Variants in NTNG1 observed in about 807,000 individuals in gnomAD.
NTNG1 encodes the protein netrin G1.
Under a neutral mutation model 54.0 loss-of-function variants are expected in NTNG1, and 16 were observed. The ratio of observed to expected loss-of-function variants is 0.30; its 90% CI spans 0.20 to 0.45. The LOEUF is 0.45. Among genes scored for constraint, NTNG1 ranks in the 20% least tolerant of loss-of-function variants. The pLI is 1.00. For missense variants in NTNG1, 530 were observed against 678.7 expected, an observed-to-expected ratio of 0.78 and a Z score of 2.43; for synonymous variants, 255 against 263.1, an observed-to-expected ratio of 0.97 and a Z score of 0.30.
chr1:107,442,076 G>C (rs1305865711), intron 7 of NTNG1, among the ~76,000 whole-genome samples: 4 of 152,056 alleles, frequency 2.6e-5, no homozygotes, highest in Non-Finnish European at 4.4e-5. Flanking sequence ...CTTCCAAAAT[G>C]GGGGAATTCA....
At chr1:107,336,312 G>T (rs1215660181) in intron 3 of NTNG1, among the ~76,000 whole-genome samples, 2 of 151,494 alleles carry the variant, frequency 1.3e-5, no homozygotes, top group African/African-American at 4.8e-5. Context: ...ACCCTCACAT[G>T]TATGGTCAAA....
intron 2 of NTNG1, among the ~76,000 whole-genome samples, chr1:107,297,770 C>T (rs1302169642): frequency 6.6e-6 from 1 of 152,154 alleles, no homozygotes; most frequent in African/African-American, 2.4e-5. Context: ...TTCTGCCACA[C>T]AGCAGAGCCC....
chr1:107,156,214 T>A (rs763044730), intron 2 of NTNG1, among the ~76,000 whole-genome samples: 6 of 152,222 alleles, frequency 3.9e-5, no homozygotes, highest in Non-Finnish European at 8.8e-5. Flanking sequence ...AAGAGACAAC[T>A]AGCAAAATTT....
intron 7 of NTNG1, among the ~76,000 whole-genome samples, chr1:107,477,160 G>C (rs1678384565): frequency 1.3e-5 from 2 of 152,162 alleles, no homozygotes; most frequent in Admixed American, 1.3e-4. Context: ...CTCTAAGGTG[G>C]GGTAATGGCT....
intron 3 of NTNG1, among the ~76,000 whole-genome samples, chr1:107,345,147 A>G (rs375141776): frequency 6.6e-5 from 10 of 152,194 alleles, no homozygotes; most frequent in African/African-American, 2.2e-4. Flanking sequence ...ATCTCTCCAA[A>G]TGTTTTGAGT....
At chr1:107,386,754 T>C (rs907992636) in intron 3 of NTNG1, among the ~76,000 whole-genome samples, 1 of 152,230 alleles carries the variant, frequency 6.6e-6, no homozygotes, top group Non-Finnish European at 1.5e-5. Flanking sequence ...AATACCTAGA[T>C]GTAAAATTTA....
chr1:107,452,017 C>A (rs1000840036), intron 7 of NTNG1, among the ~76,000 whole-genome samples: 1 of 152,138 alleles, frequency 6.6e-6, no homozygotes, highest in African/African-American at 2.4e-5. Context: ...CTGCCACTTA[C>A]TAAGTGTGTC....
At chr1:107,366,582 T>C (rs1030660725) in intron 3 of NTNG1, among the ~76,000 whole-genome samples, 3 of 152,202 alleles carry the variant, frequency 2.0e-5, no homozygotes, top group African/African-American at 4.8e-5. Flanking sequence ...TGTAAAGCTC[T>C]CTGTATATGT....
intron 3 of NTNG1, among the ~76,000 whole-genome samples, chr1:107,337,085 A>G (rs1557911236): frequency 6.6e-6 from 1 of 152,056 alleles, no homozygotes; most frequent in African/African-American, 2.4e-5. Context: ...TAAAATTGCC[A>G]TATGATCCAG....
chr1:107,414,724 T>A (rs1045515333), intron 5 of NTNG1, among the ~76,000 whole-genome samples: 1 of 152,162 alleles, frequency 6.6e-6, no homozygotes, highest in African/African-American at 2.4e-5. Context: ...TGAGCTAACA[T>A]TTACTGAATG....
At position 107,281,103 on chromosome 1, in the gene NTNG1, T is replaced by C. The variant is rs548377477; in HGVS notation, c.247-43179T>C. On this transcript the variant is annotated intron_variant, in intron 2 of 7. Transcript: ENST00000370068. ...TCTTACCTTCTCAACAGTCCTCTTA[T>C]AGCACATTCTGGTGACTGCATTTCT... is the stretch of plus-strand genomic sequence containing the variant. 5.6e-4 allele frequency among the ~76,000 whole-genome samples: 85 copies of C among 152,150 alleles called. 1 individual carries two copies. Among genetic ancestry groups the C allele is most frequent in the Admixed American group, 4.6e-4 (7 of 15,268 alleles).
intron 7 of NTNG1, among the ~76,000 whole-genome samples, chr1:107,443,826 T>C (rs1003583201): frequency 2.0e-5 from 3 of 152,096 alleles, no homozygotes; most frequent in Non-Finnish European, 4.4e-5. Context: ...TTAGTATCAT[T>C]AGTTTCCAAT....
At chr1:107,416,324 G>A (rs865798442) in intron 5 of NTNG1, among the ~76,000 whole-genome samples, 2 of 151,372 alleles carry the variant, frequency 1.3e-5, no homozygotes, top group Admixed American at 6.6e-5. Context: ...AAAAAAAAAA[G>A]TCGAATTACA....
At chr1:107,220,225 G>A (rs901672896) in intron 2 of NTNG1, among the ~76,000 whole-genome samples, 1 of 152,204 alleles carries the variant, frequency 6.6e-6, no homozygotes, top group Non-Finnish European at 1.5e-5. Flanking sequence ...ACAGCACTGA[G>A]TTTATTTCCA....
chr1:107,397,835 G>A (rs1672776813), intron 4 of NTNG1, among the ~76,000 whole-genome samples: 1 of 150,914 alleles, frequency 6.6e-6, no homozygotes, highest in African/African-American at 2.4e-5. Context: ...ATGTGCTAAT[G>A]TTTTCATGTC....
intron 6 of NTNG1, among the ~76,000 whole-genome samples, chr1:107,435,139 C>T (rs1675517577): frequency 6.6e-6 from 1 of 151,788 alleles, no homozygotes; most frequent in Non-Finnish European, 1.5e-5. Context: ...GCTTACAAAA[C>T]ATTGGTGATT....
At chr1:107,421,819 C>A (rs546570190) in intron 5 of NTNG1, among the ~76,000 whole-genome samples, 2 of 152,146 alleles carry the variant, frequency 1.3e-5, no homozygotes, top group South Asian at 4.2e-4. Flanking sequence ...CTTTAAATGT[C>A]CTGTGTAACA....
chr1:107,330,129 G>A (rs1668195345), intron 3 of NTNG1, among the ~76,000 whole-genome samples: 1 of 152,064 alleles, frequency 6.6e-6, no homozygotes, highest in African/African-American at 2.4e-5. Flanking sequence ...AGCACAGCAT[G>A]TTAAGGAACT....
chr1:107,226,557 A>G (rs1363421008), intron 2 of NTNG1, among the ~76,000 whole-genome samples: 1 of 152,140 alleles, frequency 6.6e-6, no homozygotes, highest in African/African-American at 2.4e-5. Flanking sequence ...TTCTTACCCA[A>G]CTATGTTTCT....
Sources: gnomAD v4.1 joint callset for allele counts (sites outside exome capture counted in the v4.1 genomes callset) on GRCh38, gnomAD v4.1.1 for gene constraint, MANE v1.5 for transcripts, NCBI Gene and HGNC (gene_info 2026-07-23, HGNC 2026-07-21) for gene names.